AGAP1: variants seen among roughly 807,000 people sequenced by gnomAD.
The protein encoded by AGAP1 is arf-GAP with GTPase, ANK repeat and PH domain-containing protein 1.
Under a neutral mutation model 105.3 loss-of-function variants are expected in AGAP1, and 29 were observed. The ratio of observed to expected loss-of-function variants is 0.28; its 90% confidence interval spans 0.21 to 0.38. AGAP1 has a LOEUF of 0.38. Among genes scored for constraint, AGAP1 ranks in the 10% least tolerant of loss-of-function variants. AGAP1 has a pLI of 1.00. For missense variants in AGAP1, 998 were observed against 1,165.1 expected (o/e 0.86, Z 2.09); for synonymous variants, 509 against 485.9 (o/e 1.05, Z -0.63).
intron 1 of AGAP1, among the ~76,000 whole-genome samples, chr2:235,583,959 G>GC (rs1945018655): frequency 6.6e-6 from 1 of 151,216 alleles, no homozygotes; most frequent in Non-Finnish European, 1.5e-5. Context: ...TCCTGCCTCG[G>GC]CCCCCCAGAG....
At chr2:236,081,389 G>T (rs2058778082) in intron 16 of AGAP1, among the ~76,000 whole-genome samples, 1 of 152,204 alleles carries the variant, frequency 6.6e-6, no homozygotes, top group African/African-American at 2.4e-5. Flanking sequence ...CGGGGTGCGT[G>T]TCTGAACCGC....
At position 235,577,420 on chromosome 2, in the gene AGAP1, C is replaced by G. The variant is rs1944769647; in HGVS notation, c.163+82571C>G. ...CGGCCTTAGGGTTTTGATTAAAACC[C>G]CATTCTCTTGACCTTCTGCCCAAAG... On this transcript the variant is annotated intron_variant, in intron 1 of 17. Transcript: ENST00000304032. This position sits in a 1 kb window ranked among gnomAD's most constrained non-coding sequence, Gnocchi z 4.5. Among the ~76,000 whole-genome samples, 2 of 152,122 alleles carry G rather than the reference C, an allele frequency of 1.3e-5. No individual in the cohort carries two copies. Among genetic ancestry groups the G allele is most frequent in the African/African-American group, 4.8e-5 (2 of 41,412 alleles).
chr2:235,558,542 C>T (rs1944045614), intron 1 of AGAP1, among the ~76,000 whole-genome samples: 1 of 152,116 alleles, frequency 6.6e-6, no homozygotes, highest in Non-Finnish European at 1.5e-5. Context: ...TGCTTTAACC[C>T]CGCTACCCTC....
chr2:236,009,643 G>T lies in AGAP1; in HGVS notation c.1646-26918G>T, dbSNP rs1288585601. The stretch of plus-strand genomic sequence containing the variant: ...TTCATTCAAAGACAAGACATTGTTA[G>T]AAATGAGTGGCACACCTCTTCAACC... On this transcript the variant is annotated intron_variant, in intron 13 of 17. Coordinates refer to ENST00000304032, the MANE Select transcript of AGAP1 (RefSeq NM_001037131.3). This position sits in a 1 kb window ranked among gnomAD's most constrained non-coding sequence, Gnocchi z 4.2. 6.6e-6 allele frequency among the ~76,000 whole-genome samples: 1 copy of T among 152,138 alleles called. No homozygotes were observed. Among genetic ancestry groups the T allele is most frequent in the African/African-American group, 2.4e-5 (1 of 41,424 alleles).
chr2:236,102,019 T>C (rs930912714), intron 16 of AGAP1, among the ~76,000 whole-genome samples: 6 of 152,140 alleles, frequency 3.9e-5, no homozygotes, highest in Non-Finnish European at 7.3e-5. Flanking sequence ...CGGTGGCTCA[T>C]GCCTATAATC....
chr2:235,991,916 T>A (rs1456389150), intron 13 of AGAP1, among the ~76,000 whole-genome samples: 1 of 152,230 alleles, frequency 6.6e-6, no homozygotes, highest in Admixed American at 6.5e-5. Context: ...AGTAAAAGAT[T>A]CGCTACAGAT....
intron 16 of AGAP1, among the ~76,000 whole-genome samples, chr2:236,066,510 G>A (rs1468201343): frequency 6.6e-6 from 1 of 152,208 alleles, no homozygotes; most frequent in Non-Finnish European, 1.5e-5. Flanking sequence ...ACAGGCGCGG[G>A]ACACTGTGCC....
intron 3 of AGAP1, among the ~76,000 whole-genome samples, chr2:235,731,853 CA>C (rs1951966556): frequency 1.3e-5 from 2 of 152,174 alleles, no homozygotes; most frequent in South Asian, 4.2e-4. Context: ...CTCTAAGGAA[CA>C]AAAAGGAAGA....
intron 1 of AGAP1, among the ~76,000 whole-genome samples, chr2:235,678,891 T>G (rs928558300): frequency 6.6e-6 from 1 of 152,140 alleles, no homozygotes; most frequent in African/African-American, 2.4e-5. Context: ...TGCCTGGGCT[T>G]GTGTTTCGCC....
Position 235,830,820 on chromosome 2 carries a change from T to C in AGAP1, c.1050+23489T>C, listed in dbSNP as rs995648937. Among the ~76,000 whole-genome samples, 1 of 152,226 alleles carries C rather than the reference T, an allele frequency of 6.6e-6. No individual in the cohort carries two copies. Among genetic ancestry groups the C allele is most frequent in the African/African-American group, 2.4e-5 (1 of 41,460 alleles). On this transcript the variant is annotated intron_variant, in intron 9 of 17. Transcript: ENST00000304032. The surrounding 1 kb of genome is among the most constrained non-coding windows in gnomAD (Gnocchi z 5.5). ...TTGGATGCTGTTGATAGCCTCATTC[T>C]TCTCAGGTCCACCTGTCGGTAGGCC...
intron 1 of AGAP1, among the ~76,000 whole-genome samples, chr2:235,576,152 G>A (rs968605867): frequency 1.3e-5 from 2 of 152,210 alleles, no homozygotes; most frequent in Non-Finnish European, 2.9e-5. Context: ...AGGGCACCAG[G>A]CAGGAGGCTG....
chr2:235,862,399 G>A lies in AGAP1; in HGVS notation c.1051-20946G>A, dbSNP rs150417391. Among the ~76,000 whole-genome samples, 12 of 152,330 alleles carry A rather than the reference G, an allele frequency of 7.9e-5. No individual in the cohort carries two copies. The East Asian group carries it at 1.7e-3, about 22-fold the overall frequency. ...GTATAAGGAAATATTTGTGCTGCTC[G>A]TAATGAAACGTGCACATGGAATGTT... On this transcript the variant is annotated intron_variant, in intron 9 of 17. Transcript: ENST00000304032.
intron 6 of AGAP1, among the ~76,000 whole-genome samples, chr2:235,765,613 C>T (rs887280538): frequency 2.0e-5 from 3 of 152,166 alleles, no homozygotes; most frequent in Non-Finnish European, 4.4e-5. Flanking sequence ...ATCGCTTCCC[C>T]GCTAAATGTT....
At position 235,724,578 on chromosome 2, in the gene AGAP1, C is replaced by T. The variant is rs956170812; in HGVS notation, c.310+6934C>T. ...CCCTCCCAGATGGAAAAGGTACCTG[C>T]GGTGGTGGGGGGAGGGGGAGTTCCC... On this transcript the variant is annotated intron_variant, in intron 3 of 17. Coordinates refer to ENST00000304032, the MANE Select transcript of AGAP1 (RefSeq NM_001037131.3). This position sits in a 1 kb window ranked among gnomAD's most constrained non-coding sequence, Gnocchi z 4.9. Among the ~76,000 whole-genome samples the T allele has an allele frequency of 4.6e-5, 7 of 151,920 alleles. No homozygotes were observed. Among genetic ancestry groups the T allele is most frequent in the Non-Finnish European group, 1.0e-4 (7 of 67,994 alleles).
chr2:235,967,935 T>A lies in AGAP1; in HGVS notation c.1484-527T>A, dbSNP rs1331697405. 6.6e-6 allele frequency among the ~76,000 whole-genome samples: 1 copy of A among 152,056 alleles called. No homozygotes were observed. The highest frequency in any genetic ancestry group is 1.5e-5 in the Non-Finnish European group (1 of 68,002). On this transcript the variant is annotated intron_variant, in intron 12 of 17. Coordinates refer to ENST00000304032, the MANE Select transcript of AGAP1 (RefSeq NM_001037131.3). This position sits in a 1 kb window ranked among gnomAD's most constrained non-coding sequence, Gnocchi z 4.7. ...GACATTGGTGAGAGAGAGAAAAAAA[T>A]GGCATAGAATTTTTCACTGATAATA...
intron 6 of AGAP1, among the ~76,000 whole-genome samples, chr2:235,761,730 C>G (rs1028328785): frequency 2.6e-5 from 4 of 152,154 alleles, no homozygotes; most frequent in African/African-American, 9.7e-5. Context: ...TATTACTTAA[C>G]TAGGATAGTC....
chr2:235,915,567 G>A (rs2051836975), intron 11 of AGAP1, among the ~76,000 whole-genome samples: 1 of 152,052 alleles, frequency 6.6e-6, no homozygotes, highest in Admixed American at 6.6e-5. Flanking sequence ...GTGGTCCCAG[G>A]GGAGACTGAG....
intron 12 of AGAP1, among the ~76,000 whole-genome samples, chr2:235,948,577 G>A (rs1402891214): frequency 3.3e-5 from 5 of 152,194 alleles, no homozygotes; most frequent in African/African-American, 9.6e-5. Flanking sequence ...TTCCATGGCC[G>A]CTTTGGCAGT....
chr2:236,123,705 A>G lies in AGAP1; in HGVS notation c.2371-214A>G, dbSNP rs935501117. Among the ~76,000 whole-genome samples, 1 of 146,032 alleles carries G rather than the reference A, an allele frequency of 6.8e-6. No individual in the cohort carries two copies. The highest frequency in any genetic ancestry group is 2.4e-5 in the African/African-American group (1 of 40,902). On this transcript the variant is annotated intron_variant, in intron 17 of 17. Coordinates refer to ENST00000304032, the MANE Select transcript of AGAP1 (RefSeq NM_001037131.3). This position sits in a 1 kb window ranked among gnomAD's most constrained non-coding sequence, Gnocchi z 4.6. ...TGCACAAAGGAGGGGCTTTCAGTTG[A>G]AAAAAAAAGACATGTTCTTTCCTTA...
Sources: gnomAD v4.1 joint callset for allele counts (sites outside exome capture counted in the v4.1 genomes callset) on GRCh38, gnomAD v4.1.1 for gene constraint, Gnocchi (gnomAD v3.1) non-coding constraint, MANE v1.5 for transcripts, NCBI Gene and HGNC (gene_info 2026-07-23, HGNC 2026-07-21) for gene names.